Variants in ALG11 observed in about 807,000 individuals in gnomAD.
The protein encoded by ALG11 is ALG11 alpha-1,2-mannosyltransferase, also known as GDP-Man:Man(3)GlcNAc(2)-PP-Dol alpha-1,2-mannosyltransferase.
Under a neutral mutation model 38.8 loss-of-function variants are expected in ALG11, and 26 were observed. The observed-to-expected ratio is 0.67, with a 90% CI of 0.49 to 0.93. The LOEUF is 0.93. Ranked by LOEUF, ALG11 falls within the 40% of genes least tolerant of loss-of-function variation. The probability of loss-of-function intolerance (pLI) is 0.00; values close to 1 mark genes in which losing one functional copy is unlikely to be tolerated. For synonymous variants in ALG11, 199 were observed against 211.6 expected (o/e 0.94, Z 0.52); for missense variants, 535 against 578.8 (o/e 0.92, Z 0.78).
intron 1 of ALG11, among the ~76,000 whole-genome samples, chr13:52,013,799 A>G (rs1465206809): frequency 6.6e-6 from 1 of 152,210 alleles, no homozygotes; most frequent in Non-Finnish European, 1.5e-5. Flanking sequence ...GTGGTTCTCA[A>G]ATTGTGCTCC....
Position 52,031,402 on chromosome 13 carries a change from G to A in ALG11, c.*2812G>A, listed in dbSNP as rs1041875015. The A allele has an allele frequency of 3.3e-5, 12 of 365,728 alleles. No homozygotes were observed. Among genetic ancestry groups the A allele is most frequent in the African/African-American group, 1.6e-4 (8 of 48,558 alleles). The allele number at this position is 365,728 out of a possible 1,614,324, so 22.7% of individuals were successfully genotyped here. A position where few individuals can be genotyped will look rare whatever the true frequency, so the allele number is the denominator to read the frequency against. On this transcript the variant is annotated 3_prime_UTR_variant, in exon 4 of 4. Transcript: ENST00000521508. ...AAATTTTAAACAGACTTGTTTAATCGTGTTCTCAAAGCATACAGTCAAGAG... is the reference window on the plus strand; with the variant it reads ...AAATTTTAAACAGACTTGTTTAATCATGTTCTCAAAGCATACAGTCAAGAG...
chr13:52,017,239 A>C (rs1432122028), intron 1 of ALG11: 1 of 152,188 alleles, frequency 6.6e-6, no homozygotes, highest in Non-Finnish European at 1.5e-5. Context: ...CTTACTTTTG[A>C]TTTTACAGGC....
intron 1 of ALG11, among the ~76,000 whole-genome samples, chr13:52,014,833 GAAACTCTGATGTAA>G (rs367789368): frequency 2.2e-4 from 33 of 152,300 alleles, no homozygotes; most frequent in Non-Finnish European, 2.6e-4. Flanking sequence ...TCAAGGATGA[GAAACTCTGATGTAA>G]ACAAAAGCTC....
At chr13:52,018,749 C>T (rs1954156544) in intron 1 of ALG11, among the ~76,000 whole-genome samples, 164 bp from the exon 2 acceptor site, 1 of 152,172 alleles carries the variant, frequency 6.6e-6, no homozygotes, top group African/African-American at 2.4e-5. Flanking sequence ...GGATATTTAG[C>T]AGCATTAGAA....
chr13:52,026,991 G>A (rs1396783094), intron 3 of ALG11, among the ~76,000 whole-genome samples: 1 of 152,036 alleles, frequency 6.6e-6, no homozygotes, highest in African/African-American at 2.4e-5. Flanking sequence ...GGAGAGGCGG[G>A]GAAAGCCATC....
chr13:52,019,022 T>A lies in ALG11; in HGVS notation c.154T>A (p.Leu52Ile), dbSNP rs746211021. The change falls in exon 2 of 4, where the codon TTA becomes ATA. Residue 52 changes from leucine (L) to isoleucine (I), a missense_variant. By Grantham distance (5) the Leu-to-Ile change is conservative (BLOSUM62 2). Coordinates refer to ENST00000521508, the MANE Select transcript of ALG11 (RefSeq NM_001004127.3). ...IRLLLQRKKK[L>I]VSTSKNGKNQ... ...ACTGCTGCTACAGAGAAAGAAAAAA[T>A]TAGTGTCAACTAGCAAAAATGGGAA... The A allele has an allele frequency of 2.5e-6, 4 of 1,613,798 alleles. No homozygotes were observed.
At chr13:52,027,458 C>T (rs1241378043) in intron 3 of ALG11, among the ~76,000 whole-genome samples, 1 of 152,152 alleles carries the variant, frequency 6.6e-6, no homozygotes, top group Non-Finnish European at 1.5e-5. Context: ...AGGGATTTCA[C>T]CAGTTCTAAA....
Position 52,018,975 on chromosome 13 carries a change from T to C in ALG11, c.107T>C (p.Val36Ala), listed in dbSNP as rs1452866438. 1 of 1,613,988 alleles carries C rather than the reference T, an allele frequency of 6.2e-7. No individual in the cohort carries two copies. The highest frequency in any genetic ancestry group is 8.5e-7 in the Non-Finnish European group (1 of 1,180,006). Residue 36 changes from valine (V) to alanine (A), a missense_variant, in exon 2 of 4, where the codon GTC (valine) becomes GCC (alanine). Physicochemically the swap from Val to Ala is moderately conservative, Grantham distance 64. Transcript: ENST00000521508. ...IVCGTLCVCL[V>A]IVLWGIRLLL... ...TGTGGAACTTTATGTGTGTGTTTGG[T>C]CATTGTCCTTTGGGGAATCAGACTG...
At position 52,029,926 on chromosome 13, in the gene ALG11, G is replaced by T. The variant is rs199882771; in HGVS notation, c.*1336G>T. The T allele has an allele frequency of 3.1e-6, 5 of 1,614,220 alleles. No individual in the cohort carries two copies. Among genetic ancestry groups the T allele is most frequent in the Admixed American group, 3.3e-5 (2 of 60,026 alleles). Reference sequence around the variant, plus strand: ...ATGTGGACGGACCGAATCCCTGGATGTTCAGGAGCTGCACCAGTGACACCA... The same window carrying T: ...ATGTGGACGGACCGAATCCCTGGATTTTCAGGAGCTGCACCAGTGACACCA... On this transcript the variant is annotated 3_prime_UTR_variant, in exon 4 of 4. Coordinates refer to ENST00000521508, the MANE Select transcript of ALG11 (RefSeq NM_001004127.3).
chr13:52,018,205 G>A (rs1487976171), intron 1 of ALG11, among the ~76,000 whole-genome samples: 2 of 152,164 alleles, frequency 1.3e-5, no homozygotes, highest in African/African-American at 4.8e-5. Flanking sequence ...AGCAAGCCTG[G>A]GCCCTTGCTT....
At position 52,032,624 on chromosome 13, in the gene ALG11, G is replaced by T. The variant is rs1263091208; in HGVS notation, c.*4034G>T. Reference sequence around the variant, plus strand: ...CTTATCTACTCCCAATTATGTTGTTGATACATCTCCAAGCCATCTGTCATC... The same window carrying T: ...CTTATCTACTCCCAATTATGTTGTTTATACATCTCCAAGCCATCTGTCATC... On this transcript the variant is annotated 3_prime_UTR_variant, in exon 4 of 4. Coordinates refer to ENST00000521508, the MANE Select transcript of ALG11 (RefSeq NM_001004127.3). The T allele has an allele frequency of 6.0e-6, 1 of 166,994 alleles. No homozygotes were observed. The highest frequency in any genetic ancestry group is 2.4e-5 in the African/African-American group (1 of 41,432). 10.3% of individuals were successfully genotyped at this position (166,994 alleles called of 1,614,324 possible). A position where few individuals can be genotyped will look rare whatever the true frequency, so the allele number is the denominator to read the frequency against.
rs1954318214 is a variant in ALG11, at chr13:52,032,799, C to T, written c.*4209C>T. ...GATTAGCCCAGTTCTCTCTTATTTT[C>T]AGCTTTACAGACAAGAACAATTTAA... On this transcript the variant is annotated 3_prime_UTR_variant, in exon 4 of 4. Coordinates refer to ENST00000521508, the MANE Select transcript of ALG11 (RefSeq NM_001004127.3). 2 of 167,200 alleles carry T rather than the reference C, an allele frequency of 1.2e-5. No individual in the cohort carries two copies. The highest frequency in any genetic ancestry group is 4.1e-4 in the South Asian group (2 of 4,822). The allele number at this position is 167,200 out of a possible 1,614,324, so 10.4% of individuals were successfully genotyped here. A position where few individuals can be genotyped will look rare whatever the true frequency, so the allele number is the denominator to read the frequency against.
At chr13:52,026,416 C>G (rs1954241080) in intron 3 of ALG11, among the ~76,000 whole-genome samples, 1 of 152,166 alleles carries the variant, frequency 6.6e-6, no homozygotes, top group South Asian at 2.1e-4. Flanking sequence ...TCTGATTTCT[C>G]CAGTCCATTC....
In ALG11 at chr13:52,033,499, G is replaced by A; in HGVS notation, c.*4909G>A. ...CTTTCCAGTGTGGTGCCTTTTATAT[G>A]CCTCACATAGTCTCCTTGTTCTCCT... On this transcript the variant is annotated 3_prime_UTR_variant, in exon 4 of 4. Coordinates refer to ENST00000521508, the MANE Select transcript of ALG11 (RefSeq NM_001004127.3). 1 of 167,074 alleles carries A rather than the reference G, an allele frequency of 6.0e-6. No individual in the cohort carries two copies. 10.3% of individuals were successfully genotyped at this position (167,074 alleles called of 1,614,324 possible).
At chr13:52,021,131 A>G (rs917099890) in intron 2 of ALG11, 1 of 152,242 alleles carries the variant, frequency 6.6e-6, no homozygotes, top group African/African-American at 2.4e-5. Flanking sequence ...ATAGGGTAAT[A>G]TAGGAGTGAC....
At chr13:52,019,993 A>G (rs1265609014) in intron 2 of ALG11, among the ~76,000 whole-genome samples, 1 of 152,228 alleles carries the variant, frequency 6.6e-6, no homozygotes, top group African/African-American at 2.4e-5. Flanking sequence ...CTTTTATGGC[A>G]TAAATTAATG....
chr13:52,024,462 T>C lies in ALG11; in HGVS notation c.732T>C (p.Tyr244=). The C allele has an allele frequency of 6.2e-7, 1 of 1,614,158 alleles. No individual in the cohort carries two copies. Among genetic ancestry groups the C allele is most frequent in the Non-Finnish European group, 8.5e-7 (1 of 1,180,024 alleles). Residue 244 remains tyrosine, a synonymous_variant, in exon 3 of 4, where the codon TAT becomes TAC. Transcript: ENST00000521508. ...LIYYYLFAFI[Y]GLVGSCSDVV... ...ACTACTATTTATTTGCTTTTATTTA[T>C]GGACTTGTTGGTTCTTGCAGTGATG...
rs1266826686 is a variant in ALG11 at position 52,029,275 on chromosome 13, T to C, written c.*685T>C. On this transcript the variant is annotated 3_prime_UTR_variant, in exon 4 of 4. Coordinates refer to ENST00000521508, the MANE Select transcript of ALG11 (RefSeq NM_001004127.3). ...AGAACCAGCAGGCAGAGCAGCTGGT[T>C]TTTCCCCTGGGGAAGGAGCAGCCAG... 1.2e-6 allele frequency: 2 copies of C among 1,613,982 alleles called. No homozygotes were observed. Among genetic ancestry groups the C allele is most frequent in the African/African-American group, 2.7e-5 (2 of 74,884 alleles).
In ALG11 at chr13:52,024,380, T is replaced by G. The variant is rs1954217045; in HGVS notation, c.650T>G (p.Phe217Cys). The G allele has an allele frequency of 6.2e-7, 1 of 1,613,766 alleles. No homozygotes were observed. Among genetic ancestry groups the G allele is most frequent in the Admixed American group, 1.7e-5 (1 of 59,970 alleles). ...LSVVKNQNIG[F>C]NNAAFITRNP... is the part of the protein sequence containing the mutation. ...GTAGTGAAGAATCAAAATATTGGATTTAATAATGCAGCCTTCATTACCAGG... is the reference window on the plus strand; with the variant it reads ...GTAGTGAAGAATCAAAATATTGGATGTAATAATGCAGCCTTCATTACCAGG... Residue 217 changes from phenylalanine (F) to cysteine (C), a missense_variant, in exon 3 of 4, where the codon TTT becomes TGT. By Grantham distance (205) the Phe-to-Cys change is radical. Transcript: ENST00000521508.
Sources: gnomAD v4.1 joint callset for allele counts (sites outside exome capture counted in the v4.1 genomes callset) on GRCh38, gnomAD v4.1.1 for gene constraint, MANE v1.5 for transcripts, NCBI Gene and HGNC (gene_info 2026-07-23, HGNC 2026-07-21) for gene names.